The following LEO1 variants were observed in gnomAD, a reference collection of about 807,000 sequenced individuals.
LEO1 encodes RNA polymerase-associated protein LEO1.
Under a neutral mutation model 80.4 loss-of-function variants are expected in LEO1, and 34 were observed. That is an observed-to-expected ratio of 0.42 (90% CI 0.32 to 0.56). The LOEUF is 0.56. Among genes scored for constraint, LEO1 ranks in the 20% least tolerant of loss-of-function variants. LEO1 has a pLI of 0.10. For synonymous variants in LEO1, 262 were observed against 274.9 expected, an observed-to-expected ratio of 0.95 and a Z score of 0.46; for missense variants, 631 against 814.2, an observed-to-expected ratio of 0.77 and a Z score of 2.74.
At chr15:51,956,005 G>A (rs2141763576) in intron 6 of LEO1, among the ~76,000 whole-genome samples, 1 of 152,324 alleles carries the variant, frequency 6.6e-6, no homozygotes, top group South Asian at 2.1e-4. Flanking sequence ...ATGGGCACAT[G>A]AAAGAGTTCA....
At chr15:51,940,923 C>A (rs1436915894) in intron 11 of LEO1, among the ~76,000 whole-genome samples, 1 of 151,856 alleles carries the variant, frequency 6.6e-6, no homozygotes, top group Admixed American at 6.6e-5. Flanking sequence ...CATGGTGAAA[C>A]CCTGTCTCTA....
chr15:51,945,403 A>G (rs953555750), intron 11 of LEO1, among the ~76,000 whole-genome samples: 2 of 151,668 alleles, frequency 1.3e-5, no homozygotes, highest in Non-Finnish European at 1.5e-5. Context: ...GCAGGTTCCC[A>G]CCTCAGGGCC....
chr15:51,951,263 C>T (rs972628062), intron 9 of LEO1, among the ~76,000 whole-genome samples: 2 of 152,236 alleles, frequency 1.3e-5, no homozygotes, highest in Non-Finnish European at 2.9e-5. Context: ...CATATGGCTT[C>T]TCAAATCAAG....
chr15:51,948,003 G>C (rs1322489047), intron 10 of LEO1, among the ~76,000 whole-genome samples: 2 of 152,204 alleles, frequency 1.3e-5, no homozygotes, highest in African/African-American at 4.8e-5. Context: ...TAAAGCCTGA[G>C]ACATTCTTCC....
intron 11 of LEO1, among the ~76,000 whole-genome samples, chr15:51,941,448 C>G (rs1287150662): frequency 6.6e-6 from 1 of 152,180 alleles, no homozygotes; most frequent in Admixed American, 6.5e-5. Flanking sequence ...GAAAGAGACA[C>G]AGAGGGGAGG....
In LEO1 at chr15:51,969,217, C is replaced by CT. The variant is rs1302744954; in HGVS notation, c.58+2470dup. On this transcript the variant is annotated intron_variant, in intron 1 of 11. Coordinates refer to ENST00000299601, the MANE Select transcript of LEO1 (RefSeq NM_138792.4). Reference sequence around the variant, plus strand: ...CAGGTGATCCACCCACCTCAGCCCCCTAAAGTGCTGGGATTACAGGCGTGA... The same window carrying CT: ...CAGGTGATCCACCCACCTCAGCCCCCTTAAAGTGCTGGGATTACAGGCGTGA... Among the ~76,000 whole-genome samples the CT allele has an allele frequency of 3.3e-5, 5 of 152,214 alleles. No individual in the cohort carries two copies. The East Asian group carries it at 7.8e-4, about 24-fold the overall frequency.
intron 2 of LEO1, among the ~76,000 whole-genome samples, chr15:51,964,901 T>C (rs969197669): frequency 4.6e-5 from 7 of 152,168 alleles, no homozygotes; most frequent in African/African-American, 1.7e-4. Flanking sequence ...TTGAGCAGAA[T>C]AGTCTAAATG....
intron 10 of LEO1, among the ~76,000 whole-genome samples, chr15:51,948,029 T>C (rs997182770): frequency 2.6e-5 from 4 of 152,220 alleles, no homozygotes; most frequent in Admixed American, 6.5e-5. Flanking sequence ...TAACAGTTAA[T>C]TCCAAAATGA....
At chr15:51,969,593 G>A (rs2057106292) in intron 1 of LEO1, among the ~76,000 whole-genome samples, 1 of 151,882 alleles carries the variant, frequency 6.6e-6, no homozygotes, top group South Asian at 2.1e-4. Flanking sequence ...CTTGAACCTA[G>A]CACTTTGAGA....
intron 7 of LEO1, 101 bp from the exon 8 acceptor site, chr15:51,953,364 T>C: frequency 7.9e-7 from 1 of 1,258,796 alleles, no homozygotes; most frequent in Non-Finnish European, 1.1e-6. Context: ...GGCCCACATG[T>C]GTAATCCCAG....
intron 11 of LEO1, among the ~76,000 whole-genome samples, chr15:51,940,418 A>C (rs1421738656): frequency 6.6e-6 from 1 of 151,716 alleles, no homozygotes; most frequent in Non-Finnish European, 1.5e-5. Context: ...AAAATTAGCC[A>C]GGCGTGATGG....
intron 11 of LEO1, among the ~76,000 whole-genome samples, chr15:51,945,262 C>CAAAAAAAA (rs71130110): frequency 0.018 from 1,428 of 80,266 alleles, 135 homozygotes; most frequent in East Asian, 0.083. Context: ...ACAAAAAATA[C>CAAAAAAAA]AAAAAAAAAA....
At chr15:51,965,088 T>A (rs79372989) in intron 2 of LEO1, among the ~76,000 whole-genome samples, 164 of 152,320 alleles carry the variant, frequency 1.1e-3, no homozygotes, top group African/African-American at 3.7e-3. Context: ...ACTTTCTACA[T>A]ATTATACTCC....
chr15:51,969,464 A>C (rs2141786240), intron 1 of LEO1, among the ~76,000 whole-genome samples: 1 of 151,866 alleles, frequency 6.6e-6, no homozygotes, highest in East Asian at 2.0e-4. Context: ...GCAAAACCTC[A>C]TGTCTACTAA....
At chr15:51,947,756 ATTCT>A (rs1416047676) in intron 10 of LEO1, among the ~76,000 whole-genome samples, 1 of 152,214 alleles carries the variant, frequency 6.6e-6, no homozygotes, top group Non-Finnish European at 1.5e-5. Context: ...TGACCTATTC[ATTCT>A]TAAATGTTTT....
intron 3 of LEO1, 145 bp downstream of exon 3, chr15:51,962,244 C>T: frequency 4.4e-6 from 2 of 454,626 alleles, no homozygotes; most frequent in Admixed American, 4.0e-5. Context: ...AGCTATATAA[C>T]TTCTCTGAGT....
intron 11 of LEO1, among the ~76,000 whole-genome samples, chr15:51,942,380 A>G (rs2056860568): frequency 6.6e-6 from 1 of 152,100 alleles, no homozygotes; most frequent in Non-Finnish European, 1.5e-5. Flanking sequence ...TAGGTTTGCA[A>G]CTGCCCAGCC....
chr15:51,951,324 G>T (rs1332916894), intron 9 of LEO1, among the ~76,000 whole-genome samples: 1 of 152,218 alleles, frequency 6.6e-6, no homozygotes, highest in Non-Finnish European at 1.5e-5. Context: ...TATCGATTAG[G>T]TACAATGCCC....
chr15:51,940,669 G>T (rs1425472820), intron 11 of LEO1, among the ~76,000 whole-genome samples: 2 of 151,932 alleles, frequency 1.3e-5, no homozygotes, highest in Non-Finnish European at 2.9e-5. Flanking sequence ...GTAAACGCAG[G>T]GCTTTGGGAG....
Sources: allele counts gnomAD v4.1 joint callset (sites outside exome capture counted in the v4.1 genomes callset), GRCh38; gene constraint gnomAD v4.1.1; transcripts MANE v1.5; gene names NCBI Gene and HGNC (gene_info 2026-07-23, HGNC 2026-07-21).